PIK3C2G: variants seen among roughly 807,000 people sequenced by gnomAD.
PIK3C2G encodes phosphatidylinositol-4-phosphate 3-kinase catalytic subunit type 2 gamma.
PIK3C2G carries 168 observed loss-of-function variants against 181.1 expected under a neutral mutation model. The observed-to-expected ratio is 0.93, with a 90% CI of 0.82 to 1.05. The LOEUF (loss-of-function observed/expected upper bound fraction) is 1.05, where lower values mean the gene tolerates loss of function less well. PIK3C2G is among the 50% of genes least tolerant of loss of function. The pLI is 0.00. For synonymous variants in PIK3C2G, 573 were observed against 592.2 expected (o/e 0.97, Z 0.47); for missense variants, 1,869 against 1,732.8 (o/e 1.08, Z -1.40).
chr12:18,497,105 A>C (rs138871984), intron 21 of PIK3C2G, among the ~76,000 whole-genome samples: 71 of 152,330 alleles, frequency 4.7e-4, no homozygotes, highest in African/African-American at 1.6e-3. Context: ...AAACCTTTTA[A>C]CTATCTTCAA....
chr12:18,652,107 C>A (rs1950544601), downstream of PIK3C2G, among the ~76,000 whole-genome samples: 1 of 151,914 alleles, frequency 6.6e-6, no homozygotes, highest in Admixed American at 6.6e-5. Context: ...CATGTACTCC[C>A]CAAAATTGAT....
At chr12:18,315,816 A>T (rs968365105) in intron 6 of PIK3C2G, among the ~76,000 whole-genome samples, 7 of 151,956 alleles carry the variant, frequency 4.6e-5, no homozygotes, top group African/African-American at 1.7e-4. Context: ...TATACTCAGA[A>T]TTTGCAGTAT....
chr12:18,655,906 A>G, the PIK3C2G span, among the ~76,000 whole-genome samples: 1 of 152,190 alleles, frequency 6.6e-6, no homozygotes, highest in African/African-American at 2.4e-5. Context: ...TGACTACTCT[A>G]TGTAATGTGG....
intron 15 of PIK3C2G, among the ~76,000 whole-genome samples, chr12:18,395,875 T>C (rs188078253): frequency 6.6e-6 from 1 of 150,604 alleles, no homozygotes; most frequent in East Asian, 2.0e-4. Flanking sequence ...TTTAAGAGTA[T>C]ATTTAAAAAC....
At chr12:18,468,088 A>C (rs1938090963) in intron 18 of PIK3C2G, among the ~76,000 whole-genome samples, 1 of 152,046 alleles carries the variant, frequency 6.6e-6, no homozygotes, top group African/African-American at 2.4e-5. Flanking sequence ...CCAGAAACCC[A>C]TAAAAGGACC....
In PIK3C2G at chr12:18,371,105, T is replaced by C. The variant is rs1942025077; in HGVS notation, c.1749-75T>C. On this transcript the variant is annotated intron_variant, in intron 12 of 32. Transcript: ENST00000538779. The stretch of plus-strand genomic sequence containing the variant: ...GTTAAATATCTTTGTCCCAGACCAG[T>C]ACATTATAAGAACATTTTCATTAAA... The C allele has an allele frequency of 7.3e-6, 9 of 1,240,802 alleles. No individual in the cohort carries two copies. In the South Asian group the frequency reaches 1.4e-4, roughly 19 times the overall value. The allele number at this position is 1,240,802 out of a possible 1,614,324, so 76.9% of individuals were successfully genotyped here. A position where few individuals can be genotyped will look rare whatever the true frequency, so the allele number is the denominator to read the frequency against.
At chr12:18,441,521 G>C (rs575823021) in intron 18 of PIK3C2G, among the ~76,000 whole-genome samples, 1 of 152,212 alleles carries the variant, frequency 6.6e-6, no homozygotes, top group South Asian at 2.1e-4. Context: ...AGTAATGATA[G>C]GGTGTGATAT....
At chr12:18,292,227 A>AAATATATATATATAT in intron 4 of PIK3C2G, among the ~76,000 whole-genome samples, 9 of 48,718 alleles carry the variant, frequency 1.8e-4, no homozygotes, top group East Asian at 1.4e-3. Flanking sequence ...AAAAAAAAAA[A>AAATATATATATATAT]ATATATATAT....
Position 18,313,484 on chromosome 12 carries a change from A to G in PIK3C2G, c.1035-478A>G, listed in dbSNP as rs185980161. 6.0e-3 allele frequency among the ~76,000 whole-genome samples: 913 copies of G among 152,176 alleles called. 5 individuals are homozygous for G. The highest frequency in any genetic ancestry group is 0.02 in the African/African-American group (829 of 41,522). ...CATCGAGCTAGTAAATCTGTCTCTA[A>G]AGCTCGTGACATTTTCACCACATCC... On this transcript the variant is annotated intron_variant, in intron 5 of 32. Coordinates refer to ENST00000538779, the MANE Select transcript of PIK3C2G (RefSeq NM_001288772.2).
In PIK3C2G at chr12:18,346,741, A is replaced by G; in HGVS notation, c.1530A>G (p.Val510=). The change falls in exon 11 of 33, where the codon GTA becomes GTG. Residue 510 remains valine, a synonymous_variant. Coordinates refer to ENST00000538779, the MANE Select transcript of PIK3C2G (RefSeq NM_001288772.2). ...ATGCAGATTTTCAGCCTGTAAATGT[A>G]CCTAGATGCACTTCCTATCTAAATC... ...SFYADFQPVN[V]PRCTSYLNPG... is the part of the protein sequence containing the mutation. The G allele has an allele frequency of 1.9e-6, 3 of 1,613,418 alleles. No homozygotes were observed. The highest frequency in any genetic ancestry group is 2.5e-6 in the Non-Finnish European group (3 of 1,179,450).
chr12:18,561,256 GAGTTCAATTGTACTATACGGTAC>G (rs1376492511), intron 26 of PIK3C2G, among the ~76,000 whole-genome samples: 9 of 152,170 alleles, frequency 5.9e-5, no homozygotes, highest in East Asian at 1.9e-4. Flanking sequence ...CTATATGATA[GAGTTCAATTGTACTATACGGTAC>G]AGTTCAATTG....
At chr12:18,606,842 A>C (rs369609506) in intron 30 of PIK3C2G, among the ~76,000 whole-genome samples, 11 of 152,208 alleles carry the variant, frequency 7.2e-5, no homozygotes, top group African/African-American at 2.6e-4. Context: ...TAAAACTATA[A>C]ATTATGTTTA....
At chr12:18,645,608 T>C (rs1396837189) in intron 32 of PIK3C2G, among the ~76,000 whole-genome samples, 1 of 152,174 alleles carries the variant, frequency 6.6e-6, no homozygotes, top group Non-Finnish European at 1.5e-5. Context: ...GAAACAACTG[T>C]TCCTTTTTGT....
chr12:18,373,265 G>A (rs1325110850), intron 13 of PIK3C2G, among the ~76,000 whole-genome samples: 1 of 152,074 alleles, frequency 6.6e-6, no homozygotes, highest in African/African-American at 2.4e-5. Context: ...GGTAATCCCT[G>A]CTCATAAACA....
intron 17 of PIK3C2G, among the ~76,000 whole-genome samples, chr12:18,423,130 T>TGA (rs144744234): frequency 5.4e-4 from 80 of 149,106 alleles, no homozygotes; most frequent in African/African-American, 1.0e-3. Context: ...TCTGAAGCTT[T>TGA]GAGAGAGAGA....
At chr12:18,507,313 G>T (rs1941898172) in intron 24 of PIK3C2G, among the ~76,000 whole-genome samples, 1 of 152,132 alleles carries the variant, frequency 6.6e-6, no homozygotes, top group Admixed American at 6.6e-5. Context: ...AGAGGTGTGA[G>T]CCACCGTGCC....
chr12:18,472,025 T>C (rs926102000), intron 18 of PIK3C2G, among the ~76,000 whole-genome samples: 17 of 152,186 alleles, frequency 1.1e-4, no homozygotes, highest in African/African-American at 4.1e-4. Flanking sequence ...TTGGTTCTAT[T>C]ATTTTAAACT....
At chr12:18,248,925 T>C (rs1465178035) in intron 1 of PIK3C2G, among the ~76,000 whole-genome samples, 1 of 152,204 alleles carries the variant, frequency 6.6e-6, no homozygotes, top group Non-Finnish European at 1.5e-5. Flanking sequence ...TCTCCATTTA[T>C]GCATATTTCT....
At chr12:18,256,783 C>T (rs981089741), upstream of PIK3C2G, among the ~76,000 whole-genome samples, 5 of 152,186 alleles carry the variant, frequency 3.3e-5, no homozygotes, top group East Asian at 1.9e-4. Flanking sequence ...TGTTCTCTCC[C>T]ACTCTCAATC....
Sources: allele counts gnomAD v4.1 joint callset (sites outside exome capture counted in the v4.1 genomes callset), GRCh38; gene constraint gnomAD v4.1.1; transcripts MANE v1.5; gene names NCBI Gene and HGNC (gene_info 2026-07-23, HGNC 2026-07-21).